Variants in STMN3 observed in about 807,000 individuals in gnomAD.
STMN3 encodes the protein stathmin 3.
STMN3 carries 24 observed loss-of-function variants against 23.2 expected under a neutral mutation model. That is an observed-to-expected ratio of 1.03 (90% CI 0.75 to 1.45). STMN3 has a LOEUF of 1.45. Ranked by LOEUF, STMN3 falls within the 40% of genes most tolerant of loss-of-function variation. The probability of loss-of-function intolerance (pLI) is 0.00; values close to 1 mark genes in which losing one functional copy is unlikely to be tolerated. For synonymous variants in STMN3, 117 were observed against 103.4 expected, an observed-to-expected ratio of 1.13 and a Z score of -0.80; for missense variants, 235 against 237.6, an observed-to-expected ratio of 0.99 and a Z score of 0.07.
chr20:63,652,818 C>T lies in STMN3; in HGVS notation c.19+509G>A. On this transcript the variant is annotated intron_variant, in intron 1 of 4. Coordinates refer to ENST00000370053, the MANE Select transcript of STMN3 (RefSeq NM_015894.4). This position sits in a 1 kb window ranked among gnomAD's most constrained non-coding sequence, Gnocchi z 5.3. ...CCGGGCTCCGCCGTGTCTGGCCCGC[C>T]CCCCTCCTTCAGCGCCCCCTCCAGC... is the stretch of plus-strand genomic sequence containing the variant. 4.1e-6 allele frequency: 4 copies of T among 979,970 alleles called. No homozygotes were observed. Among genetic ancestry groups the T allele is most frequent in the Non-Finnish European group, 4.8e-6 (4 of 824,916 alleles). The allele number at this position is 979,970 out of a possible 1,614,324, so 60.7% of individuals were successfully genotyped here.
chr20:63,645,082 G>T (rs2089799679), intron 1 of STMN3, among the ~76,000 whole-genome samples: 1 of 152,096 alleles, frequency 6.6e-6, no homozygotes, highest in Non-Finnish European at 1.5e-5. Flanking sequence ...TTCTCCCTGA[G>T]TGCATCTTTC....
chr20:63,644,090 C>T, intron 2 of STMN3, 124 bp downstream of exon 2: 3 of 1,306,106 alleles, frequency 2.3e-6, no homozygotes, highest in Non-Finnish European at 3.2e-6. Flanking sequence ...TGGGCCCCTT[C>T]CCCCTAGAAC....
Position 63,647,233 on chromosome 20 carries a change from G to A in STMN3, c.20-2924C>T, listed in dbSNP as rs1238094148. On this transcript the variant is annotated intron_variant, in intron 1 of 4. Transcript: ENST00000370053. Reference sequence around the variant, plus strand: ...TGAGGCAGGAGAATCACTTGAACCCGGGAGGTGGAGGTTGAAGTGAGCCAA... The same window carrying A: ...TGAGGCAGGAGAATCACTTGAACCCAGGAGGTGGAGGTTGAAGTGAGCCAA... Among the ~76,000 whole-genome samples the A allele has an allele frequency of 7.3e-5, 11 of 149,702 alleles. No individual in the cohort carries two copies. In the South Asian group the frequency reaches 1.5e-3, roughly 20 times the overall value.
chr20:63,642,364 T>C, intron 3 of STMN3, 65 bp from the exon 4 acceptor site: 2 of 1,225,632 alleles, frequency 1.6e-6, no homozygotes, highest in Non-Finnish European at 2.1e-6. Context: ...GACTCCTCCC[T>C]GCTCTCCGCC....
At position 63,652,016 on chromosome 20, in the gene STMN3, C is replaced by G. The variant is rs1002195769; in HGVS notation, c.19+1311G>C. ...GAGTCCCCTCCGCTGAGAGCCCCCC[C>G]ACCCCCAGTATCCCCGGGGGTGTCC... On this transcript the variant is annotated intron_variant, in intron 1 of 4. Transcript: ENST00000370053. This position sits in a 1 kb window ranked among gnomAD's most constrained non-coding sequence, Gnocchi z 5.3. 1 of 152,474 alleles carries G rather than the reference C, an allele frequency of 6.6e-6. No homozygotes were observed. Among genetic ancestry groups the G allele is most frequent in the Admixed American group, 6.5e-5 (1 of 15,286 alleles). The allele number at this position is 152,474 out of a possible 1,614,324, so 9.4% of individuals were successfully genotyped here.
chr20:63,643,804 G>A lies in STMN3; in HGVS notation c.243C>T (p.Ser81=), dbSNP rs867751583. Residue 81 remains serine, a synonymous_variant, in exon 3 of 5, where the codon TCC becomes TCT. Coordinates refer to ENST00000370053, the MANE Select transcript of STMN3 (RefSeq NM_015894.4). ...CCAGCCGCTTTTGCAGCTCCTCCAG[G>A]GAGGTGTCCTTCTTCTTGGGTGGGG... The part of the protein sequence containing the change: ...LSSPPKKKDT[S]LEELQKRLEA... The A allele has an allele frequency of 1.9e-6, 3 of 1,561,500 alleles. No homozygotes were observed. The South Asian group carries it at 3.6e-5, about 19-fold the overall frequency.
chr20:63,647,832 G>A (rs1393283627), intron 1 of STMN3, among the ~76,000 whole-genome samples: 7 of 116,446 alleles, frequency 6.0e-5, no homozygotes, highest in Admixed American at 1.8e-4. Context: ...ATATATATAC[G>A]TATATATGTA....
intron 1 of STMN3, among the ~76,000 whole-genome samples, chr20:63,650,017 G>T (rs544181797): frequency 3.2e-4 from 48 of 152,078 alleles, no homozygotes; most frequent in Non-Finnish European, 6.5e-4. Context: ...TAGTAGAGAT[G>T]AGGTTTCACC....
chr20:63,649,849 C>T (rs1390468046), intron 1 of STMN3, among the ~76,000 whole-genome samples: 11 of 141,834 alleles, frequency 7.8e-5, no homozygotes, highest in Admixed American at 2.9e-4. Context: ...TTTTTTAAGA[C>T]GGGGTCTCAC....
At chr20:63,649,346 C>T (rs2089840292) in intron 1 of STMN3, among the ~76,000 whole-genome samples, 1 of 152,118 alleles carries the variant, frequency 6.6e-6, no homozygotes, top group South Asian at 2.1e-4. Context: ...CAGGGCTGGT[C>T]AGGGGCGAGG....
At chr20:63,647,512 A>G (rs1475215564) in intron 1 of STMN3, among the ~76,000 whole-genome samples, 1 of 150,850 alleles carries the variant, frequency 6.6e-6, no homozygotes, top group Non-Finnish European at 1.5e-5. Context: ...GCTACTCGGG[A>G]GACTGAGACG....
chr20:63,641,471 G>A (rs1274583344), intron 4 of STMN3, 74 bp from the exon 5 acceptor site: 5 of 1,321,012 alleles, frequency 3.8e-6, no homozygotes, highest in Middle Eastern at 2.5e-4. Context: ...CAGGCGCGCA[G>A]GCCGTGGCGC....
chr20:63,641,563 G>A (rs1287565981), intron 4 of STMN3, among the ~76,000 whole-genome samples, 166 bp from the exon 5 acceptor site: 3 of 152,264 alleles, frequency 2.0e-5, no homozygotes, highest in Non-Finnish European at 4.4e-5. Flanking sequence ...CCGGGGAGGC[G>A]CAGAGCAAGG....
At position 63,642,163 on chromosome 20, in the gene STMN3, C is replaced by T; in HGVS notation, c.428G>A (p.Ser143Asn). 5 of 1,556,268 alleles carry T rather than the reference C, an allele frequency of 3.2e-6. No individual in the cohort carries two copies. Among genetic ancestry groups the T allele is most frequent in the East Asian group, 2.7e-5 (1 of 37,580 alleles). ...CAGGTGTGCCTCGCGGATCTCCTTGCTGAGCTCCATCTTGTAGTTGAGCTT... is the reference window on the plus strand; with the variant it reads ...CAGGTGTGCCTCGCGGATCTCCTTGTTGAGCTCCATCTTGTAGTTGAGCTT... The part of the protein sequence containing the change: ...EEKLNYKMEL[S>N]KEIREAHLAA... Residue 143 changes from serine to asparagine, a missense_variant, in exon 4 of 5, where the codon AGC becomes AAC. Physicochemically the swap from Ser to Asn is conservative, Grantham distance 46. Coordinates refer to ENST00000370053, the MANE Select transcript of STMN3 (RefSeq NM_015894.4).
chr20:63,651,551 CA>C (rs575971650), intron 1 of STMN3, among the ~76,000 whole-genome samples: 28 of 152,308 alleles, frequency 1.8e-4, no homozygotes, highest in African/African-American at 5.8e-4. Context: ...CAGGAGCCAC[CA>C]GCCGATTTGC....
chr20:63,641,188 G>A lies in STMN3; in HGVS notation c.*150C>T. 1 of 736,202 alleles carries A rather than the reference G, an allele frequency of 1.4e-6. No homozygotes were observed. The highest frequency in any genetic ancestry group is 2.4e-6 in the Non-Finnish European group (1 of 421,220). 45.6% of individuals were successfully genotyped at this position (736,202 alleles called of 1,614,324 possible). A position where few individuals can be genotyped will look rare whatever the true frequency, so the allele number is the denominator to read the frequency against. ...GTCAGCGACTCACCACGAGGACAGG[G>A]CAGGGCGGCTGAGTGCGGAAGAGAA... On this transcript the variant is annotated 3_prime_UTR_variant, in exon 5 of 5. Transcript: ENST00000370053.
intron 1 of STMN3, among the ~76,000 whole-genome samples, chr20:63,649,565 C>T (rs2089841665): frequency 6.6e-6 from 1 of 152,160 alleles, no homozygotes; most frequent in Non-Finnish European, 1.5e-5. Context: ...GAGTCTCACT[C>T]TGTCTCCCAG....
chr20:63,647,789 A>G (rs1348472554), intron 1 of STMN3, among the ~76,000 whole-genome samples: 2 of 126,508 alleles, frequency 1.6e-5, no homozygotes, highest in African/African-American at 5.7e-5. Context: ...TATATATATA[A>G]TATATATACG....
chr20:63,644,403 T>G, intron 1 of STMN3, 94 bp from the exon 2 acceptor site: 1 of 933,608 alleles, frequency 1.1e-6, no homozygotes, highest in Non-Finnish European at 1.7e-6. Flanking sequence ...ATCATGTCTC[T>G]GTGAGACACG....
Sources: gnomAD v4.1 joint callset for allele counts (sites outside exome capture counted in the v4.1 genomes callset) on GRCh38, gnomAD v4.1.1 for gene constraint, Gnocchi (gnomAD v3.1) non-coding constraint, MANE v1.5 for transcripts, NCBI Gene and HGNC (gene_info 2026-07-23, HGNC 2026-07-21) for gene names.